FBXO42: variants seen among roughly 807,000 people sequenced by gnomAD.
FBXO42 encodes the protein F-box only protein 42.
FBXO42 carries 12 observed loss-of-function variants against 71.7 expected under a neutral mutation model. That is an observed-to-expected ratio of 0.17 (90% CI 0.11 to 0.27). FBXO42 has a LOEUF of 0.27. Ranked by LOEUF, FBXO42 falls within the 10% of genes least tolerant of loss-of-function variation. The probability of loss-of-function intolerance (pLI) is 1.00; values close to 1 mark genes in which losing one functional copy is unlikely to be tolerated. For missense variants in FBXO42, 707 were observed against 911.9 expected, an observed-to-expected ratio of 0.78 and a Z score of 2.89; for synonymous variants, 325 against 327.5, an observed-to-expected ratio of 0.99 and a Z score of 0.08.
In FBXO42 at chr1:16,263,031, A is replaced by G. The variant is rs1360475137; in HGVS notation, c.503-6272T>C. On this transcript the variant is annotated intron_variant, in intron 4 of 9. Transcript: ENST00000375592. ...GGTAATTTCTATATCAAAGAATAAC[A>G]TTCTCTTTAGCCAAAGTGGAGTTCT... 1.3e-5 allele frequency among the ~76,000 whole-genome samples: 2 copies of G among 152,120 alleles called. 1 individual carries two copies. Among genetic ancestry groups the G allele is most frequent in the African/African-American group, 4.8e-5 (2 of 41,416 alleles).
In FBXO42 at chr1:16,250,527, C is replaced by T; in HGVS notation, c.*143G>A. On this transcript the variant is annotated 3_prime_UTR_variant, in exon 10 of 10. Coordinates refer to ENST00000375592, the MANE Select transcript of FBXO42 (RefSeq NM_018994.3). This position sits in a 1 kb window ranked among gnomAD's most constrained non-coding sequence, Gnocchi z 4.7. ...TTTTTTTCTTAATGGAGATTTGATC[C>T]CAGCCTGGAGTGACTTCGGTTGGGA... 1 of 617,316 alleles carries T rather than the reference C, an allele frequency of 1.6e-6. No homozygotes were observed. Among genetic ancestry groups the T allele is most frequent in the Non-Finnish European group, 2.5e-6 (1 of 395,414 alleles). The allele number at this position is 617,316 out of a possible 1,614,324, so 38.2% of individuals were successfully genotyped here.
chr1:16,343,315 T>TG (rs1398095152), intron 1 of FBXO42, among the ~76,000 whole-genome samples: 1 of 152,054 alleles, frequency 6.6e-6, no homozygotes, highest in African/African-American at 2.4e-5. Context: ...TCAAGGCAGG[T>TG]GGAGGATTGC....
At chr1:16,309,861 T>C (rs978653430) in intron 2 of FBXO42, among the ~76,000 whole-genome samples, 1 of 151,632 alleles carries the variant, frequency 6.6e-6, no homozygotes, top group Non-Finnish European at 1.5e-5. Context: ...CTGGTCAACA[T>C]GGTAAAACCT....
intron 2 of FBXO42, among the ~76,000 whole-genome samples, chr1:16,309,638 G>A (rs2082291406): frequency 6.6e-6 from 1 of 152,016 alleles, no homozygotes; most frequent in African/African-American, 2.4e-5. Context: ...GCTCACGCCT[G>A]TAATCCCAAC....
intron 3 of FBXO42, among the ~76,000 whole-genome samples, chr1:16,298,055 T>G (rs1244617235): frequency 6.6e-6 from 1 of 151,368 alleles, no homozygotes; most frequent in South Asian, 2.1e-4. Flanking sequence ...GTGAAACCCC[T>G]CTCTACTAAA....
chr1:16,254,139 C>A (rs573444402), intron 6 of FBXO42, among the ~76,000 whole-genome samples: 1 of 152,140 alleles, frequency 6.6e-6, no homozygotes, highest in Non-Finnish European at 1.5e-5. Context: ...CATCCTGAGA[C>A]CCTCCCTCTG....
intron 4 of FBXO42, chr1:16,294,384 T>G (rs1430259500): frequency 5.6e-6 from 1 of 179,810 alleles, no homozygotes; most frequent in Non-Finnish European, 1.2e-5. Flanking sequence ...ATATCTGAGC[T>G]GGCAACAACA....
intron 4 of FBXO42, among the ~76,000 whole-genome samples, chr1:16,271,558 T>G (rs1402546868): frequency 6.6e-6 from 1 of 151,780 alleles, no homozygotes; most frequent in African/African-American, 2.4e-5. Flanking sequence ...TGGGATTACA[T>G]GCATGAGCCA....
At position 16,252,512 on chromosome 1, in the gene FBXO42, T is replaced by C. The variant is rs905054087; in HGVS notation, c.922-108A>G. 4.7e-6 allele frequency: 4 copies of C among 854,394 alleles called. No homozygotes were observed. Among genetic ancestry groups the C allele is most frequent in the Non-Finnish European group, 7.7e-6 (4 of 521,404 alleles). The allele number at this position is 854,394 out of a possible 1,614,324, so 52.9% of individuals were successfully genotyped here. A position where few individuals can be genotyped will look rare whatever the true frequency, so the allele number is the denominator to read the frequency against. ...TCTCCTGTCTGGTCTTGAAAGGATG[T>C]GGACTCTTCAGAAGGATAGCAAAAT... On this transcript the variant is annotated intron_variant, in intron 8 of 9. Transcript: ENST00000375592. This position sits in a 1 kb window ranked among gnomAD's most constrained non-coding sequence, Gnocchi z 4.4.
At chr1:16,332,050 CAA>C (rs906418408) in intron 1 of FBXO42, among the ~76,000 whole-genome samples, 1 of 137,358 alleles carries the variant, frequency 7.3e-6, no homozygotes, top group Non-Finnish European at 1.6e-5. Flanking sequence ...ACTCCATCTC[CAA>C]AAAAAAAAAG....
chr1:16,345,314 T>C (rs1026221677), intron 1 of FBXO42, among the ~76,000 whole-genome samples: 38 of 151,638 alleles, frequency 2.5e-4, no homozygotes, highest in African/African-American at 8.7e-4. Context: ...TCCCAGCTAT[T>C]TGGGAGGCTG....
intron 3 of FBXO42, among the ~76,000 whole-genome samples, chr1:16,299,070 T>C (rs2100541150): frequency 6.6e-6 from 1 of 152,080 alleles, no homozygotes; most frequent in South Asian, 2.1e-4. Flanking sequence ...TGGAGTGAAA[T>C]GGTACAATCT....
At chr1:16,289,756 G>A (rs1247360723) in intron 4 of FBXO42, among the ~76,000 whole-genome samples, 5 of 152,088 alleles carry the variant, frequency 3.3e-5, no homozygotes, top group Non-Finnish European at 7.4e-5. Context: ...AACATAGTGA[G>A]ACCCCATCTC....
chr1:16,296,470 C>T (rs1463772261), intron 3 of FBXO42, among the ~76,000 whole-genome samples: 1 of 151,598 alleles, frequency 6.6e-6, no homozygotes, highest in Non-Finnish European at 1.5e-5. Flanking sequence ...GCCAACATGG[C>T]AAAACCCCGT....
At chr1:16,339,663 T>C (rs2082584607) in intron 1 of FBXO42, among the ~76,000 whole-genome samples, 1 of 140,844 alleles carries the variant, frequency 7.1e-6, no homozygotes, top group African/African-American at 2.7e-5. Context: ...ACATTTTTGG[T>C]TAATACTTGC....
rs371977912 is a variant in FBXO42 at position 16,278,199 on chromosome 1, A to G, written c.502+16584T>C. ...TGGAGAAACTCCATCTCAACTAAAA[A>G]TACAAAATTAGCTGGGTATGGTGGC... On this transcript the variant is annotated intron_variant, in intron 4 of 9. Transcript: ENST00000375592. 4.3e-4 allele frequency among the ~76,000 whole-genome samples: 65 copies of G among 150,148 alleles called. 4 individuals carry two copies. Among genetic ancestry groups the G allele is most frequent in the Admixed American group, 2.3e-3 (35 of 15,082 alleles).
chr1:16,349,770 G>C (rs531767089), intron 1 of FBXO42, among the ~76,000 whole-genome samples: 1 of 152,338 alleles, frequency 6.6e-6, no homozygotes, highest in South Asian at 2.1e-4. Flanking sequence ...GCTGAGGCAG[G>C]AGAATCGCCT....
chr1:16,338,033 G>C (rs2082568784), intron 1 of FBXO42, among the ~76,000 whole-genome samples: 1 of 151,954 alleles, frequency 6.6e-6, no homozygotes, highest in Non-Finnish European at 1.5e-5. Context: ...GCCGAGGCAG[G>C]TGGATCATGA....
chr1:16,271,563 G>A (rs2081846075), intron 4 of FBXO42, among the ~76,000 whole-genome samples: 1 of 151,958 alleles, frequency 6.6e-6, no homozygotes, highest in South Asian at 2.1e-4. Flanking sequence ...TTACATGCAT[G>A]AGCCACCGCA....
Sources: gnomAD v4.1 joint callset for allele counts (sites outside exome capture counted in the v4.1 genomes callset) on GRCh38, gnomAD v4.1.1 for gene constraint, Gnocchi (gnomAD v3.1) non-coding constraint, MANE v1.5 for transcripts, NCBI Gene and HGNC (gene_info 2026-07-23, HGNC 2026-07-21) for gene names.